The following ANP32A variants were observed in gnomAD, a reference collection of about 807,000 sequenced individuals.
The protein encoded by ANP32A is acidic nuclear phosphoprotein 32 family member A.
ANP32A carries 1 observed loss-of-function variant against 33.9 expected under a neutral mutation model. The observed-to-expected ratio is 0.03, with a 90% CI of 0.01 to 0.14. ANP32A has a LOEUF of 0.14. ANP32A is among the 10% of genes least tolerant of loss of function. ANP32A has a pLI of 1.00. For missense variants in ANP32A, 155 were observed against 306.0 expected (o/e 0.51, Z 3.68); for synonymous variants, 115 against 120.5 (o/e 0.95, Z 0.30).
chr15:68,807,004 G>A (rs1596073277), intron 1 of ANP32A, among the ~76,000 whole-genome samples: 1 of 152,358 alleles, frequency 6.6e-6, no homozygotes, highest in East Asian at 1.9e-4. Context: ...CTCTGGCAGG[G>A]GGTATGGACA....
intron 1 of ANP32A, among the ~76,000 whole-genome samples, chr15:68,816,858 G>A (rs1354723447): frequency 6.6e-6 from 1 of 152,132 alleles, no homozygotes; most frequent in African/African-American, 2.4e-5. Flanking sequence ...GAACTCAACT[G>A]ACTATGACCA....
In ANP32A at chr15:68,792,092, C is replaced by T. The variant is rs1469740845; in HGVS notation, c.55-4173G>A. ...TTCTAACCCTTCCATGCAAAGAGAA[C>T]ATCCCTTTTCCACCCAGGGTGTGTT... On this transcript the variant is annotated intron_variant, in intron 1 of 6. Coordinates refer to ENST00000465139, the MANE Select transcript of ANP32A (RefSeq NM_006305.4). 2.0e-5 allele frequency: 3 copies of T among 151,946 alleles called. No individual in the cohort carries two copies. In the East Asian group the frequency reaches 5.8e-4, roughly 29 times the overall value. 9.4% of individuals were successfully genotyped at this position (151,946 alleles called of 1,614,324 possible).
intron 4 of ANP32A, 119 bp from the exon 5 acceptor site, chr15:68,783,172 C>T (rs1893891431): frequency 1.4e-6 from 2 of 1,456,358 alleles, no homozygotes; most frequent in South Asian, 2.7e-5. Context: ...CCACACCCAC[C>T]TAAGTCCAAA....
rs1234692135 is a variant in ANP32A, at chr15:68,803,825, C to T, written c.55-15906G>A. The stretch of plus-strand genomic sequence containing the variant: ...TTTTTTTTTTTTTTTTTTTTTGAGA[C>T]GGAGTCTTGCTCTGTTGCCAGGCTG... On this transcript the variant is annotated intron_variant, in intron 1 of 6. Coordinates refer to ENST00000465139, the MANE Select transcript of ANP32A (RefSeq NM_006305.4). 2.9e-4 allele frequency among the ~76,000 whole-genome samples: 28 copies of T among 95,840 alleles called. No homozygotes were observed. The South Asian group carries it at 3.5e-3, about 12-fold the overall frequency. 62.9% of individuals were successfully genotyped at this position (95,840 alleles called of 152,430 possible).
intron 1 of ANP32A, among the ~76,000 whole-genome samples, chr15:68,798,530 C>T (rs1381173277): frequency 6.6e-6 from 1 of 152,190 alleles, no homozygotes; most frequent in African/African-American, 2.4e-5. Context: ...TGGAAACTAA[C>T]TCTGTGACTC....
At chr15:68,809,865 T>G (rs994882669) in intron 1 of ANP32A, among the ~76,000 whole-genome samples, 9 of 152,204 alleles carry the variant, frequency 5.9e-5, no homozygotes, top group African/African-American at 2.2e-4. Flanking sequence ...AAGACCACAA[T>G]GATGAGCAAA....
At chr15:68,782,879 A>G (rs984607587) in intron 5 of ANP32A, 77 bp downstream of exon 5, 3 of 1,540,440 alleles carry the variant, frequency 1.9e-6, no homozygotes, top group Non-Finnish European at 2.6e-6. Context: ...CGGGGCTGCC[A>G]AGACTGATCA....
rs956184651 is a variant in ANP32A at position 68,787,888 on chromosome 15, G to A, written c.86C>T (p.Ser29Leu). Residue 29 changes from serine to leucine, a missense_variant, in exon 2 of 7, where the codon TCG becomes TTG. Around this residue, in one of 4 missense-constraint regions of ANP32A, gnomAD observed 0 missense variants for 18.2 expected, o/e 0.00. Transcript: ENST00000465139. The stretch of plus-strand genomic sequence containing the variant: ...GAGGCCTTCGAGTTTGCCTTCATTC[G>A]ACCGACTGTTGTCCAGGACAAGTTC... ...VKELVLDNSR[S>L]NEGKLEGLTD... 1 of 1,613,932 alleles carries A rather than the reference G, an allele frequency of 6.2e-7. No homozygotes were observed. Among genetic ancestry groups the A allele is most frequent in the Admixed American group, 1.7e-5 (1 of 59,980 alleles).
chr15:68,817,770 G>A (rs1894405248), intron 1 of ANP32A: 1 of 152,216 alleles, frequency 6.6e-6, no homozygotes, highest in African/African-American at 2.4e-5. Flanking sequence ...CGTTGGCGCG[G>A]GGCGGAAACC....
intron 1 of ANP32A, among the ~76,000 whole-genome samples, chr15:68,800,332 T>C (rs2140366648): frequency 6.6e-6 from 1 of 151,564 alleles, no homozygotes; most frequent in East Asian, 1.9e-4. Context: ...GATACCGTGG[T>C]AAACAAAACT....
chr15:68,820,510 G>C (rs1399821626), intron 1 of ANP32A, among the ~76,000 whole-genome samples, 188 bp downstream of exon 1: 1 of 152,064 alleles, frequency 6.6e-6, no homozygotes, highest in Non-Finnish European at 1.5e-5. Context: ...AGCGGCGGCG[G>C]CAGCCGGAAC....
intron 1 of ANP32A, among the ~76,000 whole-genome samples, chr15:68,798,113 C>T (rs573422529): frequency 1.6e-4 from 25 of 152,346 alleles, no homozygotes; most frequent in Non-Finnish European, 2.5e-4. Context: ...TGAAGCCCAG[C>T]TTGGCTGGGA....
At chr15:68,819,176 C>G (rs1385733242) in intron 1 of ANP32A, among the ~76,000 whole-genome samples, 1 of 152,300 alleles carries the variant, frequency 6.6e-6, no homozygotes, top group East Asian at 1.9e-4. Flanking sequence ...GGCCAGCGCA[C>G]GGTGCTGCCC....
At chr15:68,804,342 G>A (rs1027571219) in intron 1 of ANP32A, among the ~76,000 whole-genome samples, 3 of 152,100 alleles carry the variant, frequency 2.0e-5, no homozygotes, top group African/African-American at 7.2e-5. Flanking sequence ...ACCTTAGGTT[G>A]GTTACTTAAC....
intron 1 of ANP32A, among the ~76,000 whole-genome samples, chr15:68,799,440 T>C (rs566776067): frequency 6.7e-4 from 102 of 152,204 alleles, no homozygotes; most frequent in Admixed American, 1.3e-3. Context: ...GTTGAGTTCA[T>C]TGTTGTTCAC....
rs184475304 is a variant in ANP32A, at chr15:68,817,226, C to T, written c.54+3472G>A. Among the ~76,000 whole-genome samples, 4 of 152,350 alleles carry T rather than the reference C, an allele frequency of 2.6e-5. No individual in the cohort carries two copies. In the East Asian group the frequency reaches 7.7e-4, roughly 29 times the overall value. On this transcript the variant is annotated intron_variant, in intron 1 of 6. Coordinates refer to ENST00000465139, the MANE Select transcript of ANP32A (RefSeq NM_006305.4). The stretch of plus-strand genomic sequence containing the variant: ...CGGTTTACTTTTTTCAAAAGCAAAC[C>T]TTCATCCCTCTCTTTCGCTTTAGGA...
chr15:68,814,154 C>G (rs930429527), intron 1 of ANP32A, among the ~76,000 whole-genome samples: 1 of 152,036 alleles, frequency 6.6e-6, no homozygotes, highest in South Asian at 2.1e-4. Context: ...CAGGCGTGAG[C>G]CACTGCACCC....
chr15:68,815,328 A>G (rs542978320), intron 1 of ANP32A, among the ~76,000 whole-genome samples: 2 of 152,340 alleles, frequency 1.3e-5, no homozygotes, highest in South Asian at 4.1e-4. Context: ...AACACTACAT[A>G]GGGACTTTTA....
At position 68,783,334 on chromosome 15, in the gene ANP32A, A is replaced by G. The variant is rs892002814; in HGVS notation, c.527-281T>C. The stretch of plus-strand genomic sequence containing the variant: ...ACCGAGACCACCAGGAAATTGTCAG[A>G]GCACAGCAACAGGTTCCAGGGCCCG... On this transcript the variant is annotated intron_variant, in intron 4 of 6. Transcript: ENST00000465139. Among the ~76,000 whole-genome samples the G allele has an allele frequency of 3.9e-5, 6 of 152,076 alleles. No homozygotes were observed. The South Asian group carries it at 1.2e-3, about 32-fold the overall frequency.
Sources: allele counts gnomAD v4.1 joint callset (sites outside exome capture counted in the v4.1 genomes callset), GRCh38; gene constraint gnomAD v4.1.1; regional missense constraint gnomAD v4.1.1; transcripts MANE v1.5; gene names NCBI Gene and HGNC (gene_info 2026-07-23, HGNC 2026-07-21).